The following ACOXL variants were observed in gnomAD, a reference collection of about 807,000 sequenced individuals.
ACOXL encodes the protein acyl-CoA oxidase like.
ACOXL carries 70 observed loss-of-function variants against 71.9 expected under a neutral mutation model. The ratio of observed to expected loss-of-function variants is 0.97; its 90% CI spans 0.80 to 1.19. The LOEUF is 1.19. ACOXL is among the 50% of genes most tolerant of loss of function. The pLI is 0.00. For synonymous variants in ACOXL, 253 were observed against 281.6 expected (o/e 0.90, Z 1.02); for missense variants, 703 against 736.3 (o/e 0.95, Z 0.52).
intron 16 of ACOXL, among the ~76,000 whole-genome samples, chr2:111,083,458 A>C (rs1178635378): frequency 6.6e-6 from 1 of 152,214 alleles, no homozygotes; most frequent in Non-Finnish European, 1.5e-5. Context: ...GTCCACTCCC[A>C]GTGGAGTCTA....
intron 14 of ACOXL, among the ~76,000 whole-genome samples, chr2:111,023,373 A>T (rs2064867218): frequency 6.6e-6 from 1 of 152,190 alleles, no homozygotes; most frequent in African/African-American, 2.4e-5. Flanking sequence ...AGCAGAAATG[A>T]TGGCACTGGA....
At chr2:111,044,757 T>G (rs1488316439) in intron 15 of ACOXL, among the ~76,000 whole-genome samples, 1 of 152,208 alleles carries the variant, frequency 6.6e-6, no homozygotes, top group Non-Finnish European at 1.5e-5. Context: ...TATCTCCCAT[T>G]TTGTAAGGTT....
chr2:110,774,465 A>G lies in ACOXL; in HGVS notation c.75+6001A>G, dbSNP rs191634397. 2.8e-4 allele frequency among the ~76,000 whole-genome samples: 42 copies of G among 152,340 alleles called. 2 individuals carry two copies. The highest frequency in any genetic ancestry group is 9.6e-4 in the African/African-American group (40 of 41,576). The stretch of plus-strand genomic sequence containing the variant: ...CCACAAAAAATCTGTTAGAACTAAT[A>G]AATTCAGCAAAGCTACAGGATAAAA... On this transcript the variant is annotated intron_variant, in intron 2 of 17. Transcript: ENST00000439055.
chr2:110,880,052 A>G (rs1418973669), intron 10 of ACOXL, among the ~76,000 whole-genome samples: 2 of 150,904 alleles, frequency 1.3e-5, no homozygotes, highest in East Asian at 4.0e-4. Context: ...AGGCTGAGGC[A>G]GGAGAATTGC....
chr2:111,090,178 G>C lies in ACOXL; in HGVS notation c.1441-2687G>C, dbSNP rs572079011. On this transcript the variant is annotated intron_variant, in intron 16 of 17. Coordinates refer to ENST00000439055, the MANE Select transcript of ACOXL (RefSeq NM_001142807.4). The stretch of plus-strand genomic sequence containing the variant: ...TCAGCTAATATCATACAGTGTGTCA[G>C]CTCCTTTACCAGACCCTAGGCATAT... Among the ~76,000 whole-genome samples the C allele has an allele frequency of 1.6e-4, 24 of 152,260 alleles. 1 individual carries two copies. The South Asian group carries it at 4.8e-3, about 30-fold the overall frequency.
At chr2:110,880,950 T>C (rs1358949917) in intron 10 of ACOXL, among the ~76,000 whole-genome samples, 1 of 152,226 alleles carries the variant, frequency 6.6e-6, no homozygotes, top group Non-Finnish European at 1.5e-5. Context: ...ATTTTTAATC[T>C]CTTAGGAAGA....
At chr2:110,767,882 G>C (rs1231308915) in intron 1 of ACOXL, among the ~76,000 whole-genome samples, 1 of 151,512 alleles carries the variant, frequency 6.6e-6, no homozygotes, top group African/African-American at 2.4e-5. Context: ...TCAGGAGTTT[G>C]AGGCCAGCCT....
At chr2:110,791,477 T>A (rs1014818888) in intron 3 of ACOXL, among the ~76,000 whole-genome samples, 16 of 152,232 alleles carry the variant, frequency 1.1e-4, no homozygotes, top group Admixed American at 3.9e-4. Flanking sequence ...AAATATTTTT[T>A]TAAACTTAAC....
intron 10 of ACOXL, among the ~76,000 whole-genome samples, chr2:110,907,270 C>G (rs894376205): frequency 1.3e-5 from 2 of 152,072 alleles, no homozygotes; most frequent in African/African-American, 2.4e-5. Context: ...ATAAGGCCAC[C>G]AATTCTATCA....
At chr2:111,047,251 TATC>T (rs1340420304) in intron 15 of ACOXL, among the ~76,000 whole-genome samples, 1 of 152,078 alleles carries the variant, frequency 6.6e-6, no homozygotes, top group Admixed American at 6.5e-5. Context: ...TAACGAAAAG[TATC>T]ATAGTGGAGT....
chr2:111,109,458 T>C (rs2069785643), intron 17 of ACOXL, among the ~76,000 whole-genome samples: 1 of 152,136 alleles, frequency 6.6e-6, no homozygotes, highest in Admixed American at 6.6e-5. Flanking sequence ...TTTTTTCTCT[T>C]TGCCCCATTT....
intron 9 of ACOXL, among the ~76,000 whole-genome samples, chr2:110,814,057 C>T (rs904924771): frequency 3.9e-5 from 6 of 152,190 alleles, no homozygotes; most frequent in African/African-American, 1.4e-4. Context: ...TGCTCACTGG[C>T]GTTCCTGGAA....
At position 110,799,076 on chromosome 2, in the gene ACOXL, G is replaced by A. The variant is rs777941485; in HGVS notation, c.523G>A (p.Ala175Thr). 2 of 1,613,902 alleles carry A rather than the reference G, an allele frequency of 1.2e-6. No homozygotes were observed. The highest frequency in any genetic ancestry group is 8.5e-7 in the Non-Finnish European group (1 of 1,179,876). The change falls in exon 7 of 18, where the codon GCT becomes ACT. Residue 175 changes from alanine (A) to threonine (T), a missense_variant. Ala to Thr is a moderately conservative substitution (Grantham distance 58). Coordinates refer to ENST00000439055, the MANE Select transcript of ACOXL (RefSeq NM_001142807.4). ...ENGSLYPGVT[A>T]IDMMYKEGLH... Reference sequence around the variant, plus strand: ...CGGAAGCTTGTACCCAGGAGTCACAGCTATTGATATGATGTACAAGGAGGG... The same window carrying A: ...CGGAAGCTTGTACCCAGGAGTCACAACTATTGATATGATGTACAAGGAGGG...
At chr2:110,931,217 T>C (rs534942616) in intron 11 of ACOXL, among the ~76,000 whole-genome samples, 1 of 152,256 alleles carries the variant, frequency 6.6e-6, no homozygotes, top group East Asian at 1.9e-4. Flanking sequence ...AATGTAAGGG[T>C]ACAGCAAAGA....
Position 110,996,000 on chromosome 2 carries a change from A to G in ACOXL, c.1277A>G (p.Tyr426Cys). 1 of 1,588,894 alleles carries G rather than the reference A, an allele frequency of 6.3e-7. No individual in the cohort carries two copies. Residue 426 changes from tyrosine (Y) to cysteine (C), a missense_variant, in exon 14 of 18, where the codon TAT becomes TGT. Transcript: ENST00000439055. ...CGGGGTTTGGTGGCCAGAATTTATT[A>G]TAAGGTAAAGATACACTGTGTTATA... The part of the protein sequence containing the change: ...LQRGLVARIY[Y>C]KVKTKKEDFF...
intron 10 of ACOXL, among the ~76,000 whole-genome samples, chr2:110,905,398 C>T (rs889924976): frequency 6.6e-6 from 1 of 152,166 alleles, no homozygotes; most frequent in Non-Finnish European, 1.5e-5. Flanking sequence ...AAGGCTGGAA[C>T]ACTCAAGTCA....
chr2:110,774,198 G>A (rs1370267318), intron 2 of ACOXL, among the ~76,000 whole-genome samples: 2 of 152,090 alleles, frequency 1.3e-5, no homozygotes, highest in African/African-American at 4.8e-5. Context: ...AGCACCTACA[G>A]TGAGCCAGGC....
At chr2:110,869,093 G>T (rs1006695477) in intron 10 of ACOXL, among the ~76,000 whole-genome samples, 1 of 152,152 alleles carries the variant, frequency 6.6e-6, no homozygotes, top group Non-Finnish European at 1.5e-5. Flanking sequence ...CTGGGAGTAG[G>T]TACTGTTTGC....
At chr2:110,946,189 C>T (rs916493465) in intron 12 of ACOXL, among the ~76,000 whole-genome samples, 12 of 152,154 alleles carry the variant, frequency 7.9e-5, no homozygotes, top group African/African-American at 2.9e-4. Context: ...TCAGTTTGAA[C>T]GTTGCTGGTG....
Sources: gnomAD v4.1 joint callset for allele counts (sites outside exome capture counted in the v4.1 genomes callset) on GRCh38, gnomAD v4.1.1 for gene constraint, MANE v1.5 for transcripts, NCBI Gene and HGNC (gene_info 2026-07-23, HGNC 2026-07-21) for gene names.